CRIM1: variants seen among roughly 807,000 people sequenced by gnomAD.
CRIM1 encodes the protein cysteine-rich motor neuron 1 protein.
In CRIM1, 32 loss-of-function variants were observed where a neutral mutation model predicts 116.4. That is an observed-to-expected ratio of 0.27 (90% CI 0.21 to 0.37). CRIM1 has a LOEUF of 0.37. Ranked by LOEUF, CRIM1 falls within the 10% of genes least tolerant of loss-of-function variation. The pLI, the probability that CRIM1 is intolerant of heterozygous loss-of-function variation, is 1.00. For synonymous variants in CRIM1, 590 were observed against 509.2 expected, an observed-to-expected ratio of 1.16 and a Z score of -2.13; for missense variants, 1,331 against 1,354.8, an observed-to-expected ratio of 0.98 and a Z score of 0.28.
intron 2 of CRIM1, among the ~76,000 whole-genome samples, chr2:36,439,532 C>T (rs1388913979): frequency 2.0e-5 from 3 of 152,220 alleles, no homozygotes; most frequent in Non-Finnish European, 4.4e-5. Context: ...AACCTCATCT[C>T]CTGTTTGTCC....
At chr2:36,378,201 T>C (rs1670464487) in intron 1 of CRIM1, among the ~76,000 whole-genome samples, 1 of 152,252 alleles carries the variant, frequency 6.6e-6, no homozygotes, top group African/African-American at 2.4e-5. Flanking sequence ...AGCACAGCAC[T>C]GTGTAAGTCG....
chr2:36,370,115 C>G (rs1247802794), intron 1 of CRIM1, among the ~76,000 whole-genome samples: 1 of 151,796 alleles, frequency 6.6e-6, no homozygotes, highest in Non-Finnish European at 1.5e-5. Context: ...GGGTTTTAAA[C>G]TGCCTGTTAA....
chr2:36,476,960 C>G lies in CRIM1; in HGVS notation c.1063C>G (p.Arg355Gly). ...AGACATGTTTCGAATGGACAACTGT[C>G]GGTTCTGTCGATGCCAAGGGGGCGT... ...DGDMFRMDNC[R>G]FCRCQGGVAI... The change falls in exon 6 of 17, where the codon CGG becomes GGG. Residue 355 changes from arginine (R) to glycine (G), a missense_variant. Arg to Gly is a moderately radical substitution (Grantham distance 125). This residue lies in a region of CRIM1 where 690 missense variants were observed against 676.0 expected (regional missense o/e 1.02). Transcript: ENST00000280527. The G allele has an allele frequency of 6.2e-7, 1 of 1,613,916 alleles. No individual in the cohort carries two copies. Among genetic ancestry groups the G allele is most frequent in the South Asian group, 1.1e-5 (1 of 91,068 alleles).
intron 2 of CRIM1, among the ~76,000 whole-genome samples, chr2:36,400,362 G>GC: frequency 6.6e-6 from 1 of 152,036 alleles, no homozygotes; most frequent in African/African-American, 2.4e-5. Flanking sequence ...CATCACTGGG[G>GC]GTGGGAGGTC....
intron 1 of CRIM1, among the ~76,000 whole-genome samples, chr2:36,391,355 C>T (rs570925366): frequency 2.7e-5 from 4 of 150,642 alleles, no homozygotes; most frequent in African/African-American, 4.9e-5. Flanking sequence ...GTCTCGATCT[C>T]CTGACCTCGT....
At chr2:36,394,926 A>G (rs1438855861) in intron 1 of CRIM1, among the ~76,000 whole-genome samples, 1 of 151,700 alleles carries the variant, frequency 6.6e-6, no homozygotes, top group Admixed American at 6.6e-5. Flanking sequence ...GGAAGAGCAG[A>G]CTTTTACTTC....
intron 4 of CRIM1, among the ~76,000 whole-genome samples, chr2:36,455,613 G>T (rs900181407): frequency 5.9e-5 from 9 of 152,192 alleles, no homozygotes; most frequent in Non-Finnish European, 1.0e-4. Context: ...AGAGAGGAAA[G>T]CAACCATGTG....
At chr2:36,547,340 C>A (rs956238642) in intron 16 of CRIM1, among the ~76,000 whole-genome samples, 169 bp downstream of exon 16, 3 of 152,272 alleles carry the variant, frequency 2.0e-5, no homozygotes, top group Admixed American at 6.5e-5. Flanking sequence ...AGTACTTGCC[C>A]AGGGCTGGAC....
At chr2:36,491,491 A>G (rs948941134) in intron 7 of CRIM1, among the ~76,000 whole-genome samples, 2 of 152,182 alleles carry the variant, frequency 1.3e-5, no homozygotes, top group Non-Finnish European at 2.9e-5. Context: ...CTAATCTTCT[A>G]AAAGTTAGAA....
intron 16 of CRIM1, 26 bp from the exon 17 acceptor site, chr2:36,548,499 G>A (rs752379588): frequency 6.6e-7 from 1 of 1,522,092 alleles, no homozygotes; most frequent in Non-Finnish European, 8.8e-7. Context: ...ATTTTTTGTG[G>A]TTTTATTCCT....
At chr2:36,429,756 G>A (rs1222096761) in intron 2 of CRIM1, among the ~76,000 whole-genome samples, 1 of 152,186 alleles carries the variant, frequency 6.6e-6, no homozygotes, top group African/African-American at 2.4e-5. Context: ...CACATCCTGA[G>A]GCTTCACCCA....
intron 5 of CRIM1, among the ~76,000 whole-genome samples, chr2:36,465,757 G>C (rs780539511): frequency 3.9e-5 from 6 of 152,178 alleles, no homozygotes; most frequent in Non-Finnish European, 8.8e-5. Flanking sequence ...AGTTAACTTT[G>C]AGGAAGCTTC....
chr2:36,424,379 C>CA (rs1180314781), intron 2 of CRIM1, among the ~76,000 whole-genome samples: 1 of 152,158 alleles, frequency 6.6e-6, no homozygotes, highest in Non-Finnish European at 1.5e-5. Context: ...AGATCTCTAG[C>CA]AAAGTGCCCA....
At chr2:36,496,796 C>A (rs748089866) in intron 7 of CRIM1, among the ~76,000 whole-genome samples, 1 of 152,190 alleles carries the variant, frequency 6.6e-6, no homozygotes, top group African/African-American at 2.4e-5. Flanking sequence ...CGGGGCTGCC[C>A]AAGTCAGCAT....
chr2:36,371,438 A>G (rs1669938065), intron 1 of CRIM1, among the ~76,000 whole-genome samples: 1 of 152,190 alleles, frequency 6.6e-6, no homozygotes, highest in Admixed American at 6.5e-5. Context: ...TTTGTTGACT[A>G]AATCTAGACT....
chr2:36,396,727 A>G lies in CRIM1; in HGVS notation c.445A>G (p.Ser149Gly), dbSNP rs1173842064. Residue 149 changes from serine (S) to glycine (G), a missense_variant, in exon 2 of 17, where the codon AGC (serine) becomes GGC (glycine). By Grantham distance (56) the Ser-to-Gly change is moderately conservative. Coordinates refer to ENST00000280527, the MANE Select transcript of CRIM1 (RefSeq NM_016441.3). Reference protein sequence around the residue: ...KCECNTIRTCSNPFEFPSQDM... With the variant: ...KCECNTIRTCGNPFEFPSQDM... ...TGAATGTAACACCATTCGAACCTGC[A>G]GCAATCCCTTTGAGTTTCCAAGTCA... 6.2e-7 allele frequency: 1 copy of G among 1,613,824 alleles called. No individual in the cohort carries two copies. Among genetic ancestry groups the G allele is most frequent in the African/African-American group, 1.3e-5 (1 of 75,050 alleles).
At chr2:36,547,299 C>A in intron 16 of CRIM1, 128 bp downstream of exon 16, 1 of 703,494 alleles carries the variant, frequency 1.4e-6, no homozygotes, top group Non-Finnish European at 2.5e-6. Flanking sequence ...GCCTCAAATC[C>A]ATACCAGGCT....
chr2:36,478,293 A>C (rs371945877), intron 6 of CRIM1, among the ~76,000 whole-genome samples: 37 of 152,206 alleles, frequency 2.4e-4, no homozygotes, highest in African/African-American at 8.7e-4. Flanking sequence ...GAATTACTTC[A>C]AATTTTTAAC....
intron 4 of CRIM1, among the ~76,000 whole-genome samples, chr2:36,451,832 A>G (rs1676751513): frequency 6.6e-6 from 1 of 152,206 alleles, no homozygotes; most frequent in African/African-American, 2.4e-5. Context: ...TGGAACTGTC[A>G]GGGTCATGTT....
Sources: allele counts gnomAD v4.1 joint callset (sites outside exome capture counted in the v4.1 genomes callset), GRCh38; gene constraint gnomAD v4.1.1; regional missense constraint gnomAD v4.1.1; transcripts MANE v1.5; gene names NCBI Gene and HGNC (gene_info 2026-07-23, HGNC 2026-07-21).